Variants in CEP162 observed in about 807,000 individuals in gnomAD.
CEP162 encodes the protein centrosomal protein of 162 kDa.
Under a neutral mutation model 169.2 loss-of-function variants are expected in CEP162, and 141 were observed. The ratio of observed to expected loss-of-function variants is 0.83; its 90% CI spans 0.73 to 0.96. CEP162 has a LOEUF of 0.96. Ranked by LOEUF, CEP162 falls within the 40% of genes least tolerant of loss-of-function variation. The probability of loss-of-function intolerance (pLI) is 0.00; values close to 1 mark genes in which losing one functional copy is unlikely to be tolerated. For missense variants in CEP162, 1,600 were observed against 1,587.2 expected, an observed-to-expected ratio of 1.01 and a Z score of -0.14; for synonymous variants, 540 against 526.4, an observed-to-expected ratio of 1.03 and a Z score of -0.35.
At position 84,186,377 on chromosome 6, in the gene CEP162, TA is replaced by T; in HGVS notation, c.1355del (p.Ile452LysfsTer30). 2.7e-6 allele frequency: 4 copies of T among 1,493,108 alleles called. No homozygotes were observed. The highest frequency in any genetic ancestry group is 2.3e-5 in the South Asian group (2 of 87,950). The allele number at this position is 1,493,108 out of a possible 1,614,324, so 92.5% of individuals were successfully genotyped here. A position where few individuals can be genotyped will look rare whatever the true frequency, so the allele number is the denominator to read the frequency against. On this transcript the variant is annotated frameshift_variant, in exon 12 of 27. Transcript: ENST00000403245. LOFTEE classifies it high-confidence loss of function. ...GAGATAATGATGAAGAATTAACAGT[TA>T]TTTTTTTCCTCAAAATATTAAGGTA... is the stretch of plus-strand genomic sequence containing the variant. ...KMYLNILRKKITVNSSSLSQD... is the reference protein window; with the variant it reads ...KMYLNILRKKXTVNSSSLSQD...
Position 84,163,227 on chromosome 6 carries a change from T to C in CEP162, c.2429A>G (p.Gln810Arg). 3 of 1,611,608 alleles carry C rather than the reference T, an allele frequency of 1.9e-6. No individual in the cohort carries two copies. Among genetic ancestry groups the C allele is most frequent in the Non-Finnish European group, 2.5e-6 (3 of 1,177,956 alleles). ...SLLEDIKRLK[Q>R]DKQALEVDFE... ...GTCTACTTCAAGAGCTTGTTTGTCT[T>C]GTTTCAGTCTTTTGATGTCTTCCAA... Residue 810 changes from glutamine (Q) to arginine (R), a missense_variant, in exon 19 of 27, where the codon CAA (glutamine) becomes CGA (arginine). Physicochemically the swap from Gln to Arg is conservative, Grantham distance 43. Transcript: ENST00000403245.
chr6:84,222,772 GCA>G lies in CEP162; in HGVS notation c.58-1603_58-1602del, dbSNP rs112085957. Among the ~76,000 whole-genome samples, 938 of 150,130 alleles carry G rather than the reference GCA, an allele frequency of 6.2e-3. 16 individuals are homozygous for G. Among genetic ancestry groups the G allele is most frequent in the East Asian group, 0.019 (96 of 5,120 alleles). The stretch of plus-strand genomic sequence containing the variant: ...AAAATGACAGGGCGCACACGCGCGT[GCA>G]CACACACACACACACACAATCTTCC... On this transcript the variant is annotated intron_variant, in intron 2 of 26. Coordinates refer to ENST00000403245, the MANE Select transcript of CEP162 (RefSeq NM_014895.4).
intron 10 of CEP162, among the ~76,000 whole-genome samples, chr6:84,194,411 T>C (rs1395354454): frequency 6.6e-6 from 1 of 151,344 alleles, no homozygotes; most frequent in African/African-American, 2.4e-5. Flanking sequence ...TTGGCTCTAA[T>C]TTTATAGTTA....
At chr6:84,194,745 C>A in intron 10 of CEP162, 139 bp downstream of exon 10, 1 of 705,900 alleles carries the variant, frequency 1.4e-6, no homozygotes, top group Non-Finnish European at 2.3e-6. Flanking sequence ...AGCCACCTCG[C>A]CTGGCTGAAA....
Position 84,149,702 on chromosome 6 carries a change from C to G in CEP162, c.3631G>C (p.Val1211Leu). Residue 1211 changes from valine to leucine, a missense_variant and splice_region_variant, in exon 24 of 27, where the codon GTC becomes CTC. Transcript: ENST00000403245. ...MNQFENSMRR[V>L]KEDTAAHIAS... Reference sequence around the variant, plus strand: ...ATGTGTGCTGCAGTATCTTCCTTGACCCTACAGAGCAAATGAAAGAAAACC... The same window carrying G: ...ATGTGTGCTGCAGTATCTTCCTTGAGCCTACAGAGCAAATGAAAGAAAACC... 1 of 1,499,918 alleles carries G rather than the reference C, an allele frequency of 6.7e-7. No homozygotes were observed. Among genetic ancestry groups the G allele is most frequent in the Non-Finnish European group, 8.9e-7 (1 of 1,123,082 alleles). 92.9% of individuals were successfully genotyped at this position (1,499,918 alleles called of 1,614,324 possible).
intron 6 of CEP162, among the ~76,000 whole-genome samples, chr6:84,211,843 G>C (rs2099549612): frequency 6.9e-6 from 1 of 143,942 alleles, no homozygotes. Context: ...AACCAACTCT[G>C]AACAGAATAA....
At chr6:84,127,954 T>C (rs1042913645) in intron 25 of CEP162, among the ~76,000 whole-genome samples, 1 of 152,222 alleles carries the variant, frequency 6.6e-6, no homozygotes, top group African/African-American at 2.4e-5. Flanking sequence ...TATATTATGA[T>C]GTGCTAGGCA....
At chr6:84,213,684 C>T (rs757727071) in intron 5 of CEP162, among the ~76,000 whole-genome samples, 1 of 152,174 alleles carries the variant, frequency 6.6e-6, no homozygotes, top group African/African-American at 2.4e-5. Flanking sequence ...ATGTTCAATG[C>T]TATTCTGTAC....
At chr6:84,213,804 C>T (rs745366965) in intron 5 of CEP162, among the ~76,000 whole-genome samples, 1 of 152,160 alleles carries the variant, frequency 6.6e-6, no homozygotes, top group African/African-American at 2.4e-5. Flanking sequence ...GGCCCACAAA[C>T]CCGCGCATGC....
chr6:84,143,686 G>C (rs1236144653), intron 25 of CEP162, among the ~76,000 whole-genome samples: 1 of 151,984 alleles, frequency 6.6e-6, no homozygotes, highest in African/African-American at 2.4e-5. Flanking sequence ...GTCTAAAACA[G>C]AATATGTTTA....
In CEP162 at chr6:84,149,601, G is replaced by A; in HGVS notation, c.3732C>T (p.Ser1244=). 1 of 1,603,560 alleles carries A rather than the reference G, an allele frequency of 6.2e-7. No homozygotes were observed. The highest frequency in any genetic ancestry group is 8.5e-7 in the Non-Finnish European group (1 of 1,174,704). Residue 1244 remains serine (S), a synonymous_variant, in exon 24 of 27, where the codon TCC becomes TCT. Transcript: ENST00000403245. ...LCQNAVENSS[S]KVAELNRKIA... ...TTTTACGATTTAGTTCAGCTACTTT[G>A]GAAGAAGAATTTTCTACTGCATTTT...
At position 84,202,518 on chromosome 6, in the gene CEP162, CTTTTTTT is replaced by C. The variant is rs70987776; in HGVS notation, c.688-758_688-752del. On this transcript the variant is annotated intron_variant, in intron 7 of 26. Coordinates refer to ENST00000403245, the MANE Select transcript of CEP162 (RefSeq NM_014895.4). ...CATTTTTCTTTTCTTTTCTTTCTTT[CTTTTTTT>C]TTTTTTTTTTTTTTTTTTTTGAGAC... Among the ~76,000 whole-genome samples the C allele has an allele frequency of 8.2e-4, 74 of 90,736 alleles. 1 individual carries two copies. Among genetic ancestry groups the C allele is most frequent in the Admixed American group, 1.8e-3 (15 of 8,330 alleles). 59.5% of individuals were successfully genotyped at this position (90,736 alleles called of 152,430 possible).
At chr6:84,184,589 T>A (rs776224916) in intron 13 of CEP162, among the ~76,000 whole-genome samples, 1 of 152,122 alleles carries the variant, frequency 6.6e-6, no homozygotes, top group Non-Finnish European at 1.5e-5. Context: ...GGATTCCACA[T>A]GCTCTCAGGA....
At chr6:84,227,371 T>G (rs1235744464) in intron 1 of CEP162, among the ~76,000 whole-genome samples, 3 of 152,034 alleles carry the variant, frequency 2.0e-5, no homozygotes, top group Non-Finnish European at 2.9e-5. Flanking sequence ...AGGGGTGAGC[T>G]CCACTAAAAG....
At chr6:84,199,098 A>T (rs2099543350) in intron 9 of CEP162, among the ~76,000 whole-genome samples, 2 of 152,228 alleles carry the variant, frequency 1.3e-5, no homozygotes, top group South Asian at 2.1e-4. Context: ...GAAAAGTTGT[A>T]GCTGTACAAT....
chr6:84,201,113 T>C (rs538443593), intron 8 of CEP162, among the ~76,000 whole-genome samples: 29 of 152,026 alleles, frequency 1.9e-4, no homozygotes, highest in Non-Finnish European at 3.2e-4. Flanking sequence ...CCCGTCTCTA[T>C]TAAAAATACA....
At position 84,174,061 on chromosome 6, in the gene CEP162, TG is replaced by T; in HGVS notation, c.2152del (p.Gln718LysfsTer14). ...GAATTGCCATACCTGTTGATATCCT[TG>T]AAGAAGTGTCTCTTGTTCTTGTATT... Reference protein sequence around the residue: ...KEIQEQETLLQGYQQENERLY... With the variant: ...KEIQEQETLLXGYQQENERLY... On this transcript the variant is annotated frameshift_variant, in exon 16 of 27. Coordinates refer to ENST00000403245, the MANE Select transcript of CEP162 (RefSeq NM_014895.4). LOFTEE classifies it high-confidence loss of function. The T allele has an allele frequency of 6.2e-7, 1 of 1,612,394 alleles. No homozygotes were observed. Among genetic ancestry groups the T allele is most frequent in the South Asian group, 1.1e-5 (1 of 90,682 alleles).
chr6:84,208,344 C>T (rs1367582389), intron 6 of CEP162, among the ~76,000 whole-genome samples: 3 of 152,054 alleles, frequency 2.0e-5, no homozygotes, highest in South Asian at 2.1e-4. Context: ...AAGGGGAACA[C>T]CTTTTCAGAG....
intron 1 of CEP162, among the ~76,000 whole-genome samples, chr6:84,226,881 C>A (rs764607255): frequency 1.3e-5 from 2 of 152,118 alleles, no homozygotes; most frequent in Non-Finnish European, 2.9e-5. Context: ...GTTATTTTAC[C>A]AATCCATAGT....
Sources: allele counts gnomAD v4.1 joint callset (sites outside exome capture counted in the v4.1 genomes callset), GRCh38; gene constraint gnomAD v4.1.1; transcripts MANE v1.5; gene names NCBI Gene and HGNC (gene_info 2026-07-23, HGNC 2026-07-21).